PGGT1B: variants seen among roughly 807,000 people sequenced by gnomAD.
The protein encoded by PGGT1B is geranylgeranyl transferase type-1 subunit beta.
Under a neutral mutation model 46.1 loss-of-function variants are expected in PGGT1B, and 30 were observed. That is an observed-to-expected ratio of 0.65 (90% CI 0.49 to 0.88). PGGT1B has a LOEUF of 0.88. Ranked by LOEUF, PGGT1B falls within the 40% of genes least tolerant of loss-of-function variation. PGGT1B has a pLI of 0.00. For missense variants in PGGT1B, 376 were observed against 455.9 expected, an observed-to-expected ratio of 0.82 and a Z score of 1.60; for synonymous variants, 170 against 160.0, an observed-to-expected ratio of 1.06 and a Z score of -0.47.
chr5:115,219,749 G>C (rs1056433125), intron 7 of PGGT1B, among the ~76,000 whole-genome samples: 5 of 151,562 alleles, frequency 3.3e-5, no homozygotes, highest in Non-Finnish European at 7.4e-5. Context: ...TATAACAAAA[G>C]AAACCAGATT....
intron 5 of PGGT1B, 134 bp from the exon 6 acceptor site, chr5:115,231,155 G>A (rs1009281976): frequency 5.9e-6 from 3 of 505,702 alleles, no homozygotes; most frequent in African/African-American, 4.1e-5. Context: ...CAAAATATGC[G>A]TTTTTCCCCA....
intron 5 of PGGT1B, among the ~76,000 whole-genome samples, chr5:115,235,660 T>G (rs1163286121): frequency 6.6e-6 from 1 of 152,118 alleles, no homozygotes; most frequent in East Asian, 1.9e-4. Context: ...CTTTTCCTCT[T>G]AAAACTCCTT....
At chr5:115,227,968 T>TAAAAAC in intron 6 of PGGT1B, among the ~76,000 whole-genome samples, 1 of 152,160 alleles carries the variant, frequency 6.6e-6, no homozygotes, top group East Asian at 1.9e-4. Flanking sequence ...ACTGGCAAAT[T>TAAAAAC]AAAAACAAAA....
intron 5 of PGGT1B, among the ~76,000 whole-genome samples, chr5:115,232,024 T>C (rs1423915040): frequency 6.6e-6 from 1 of 152,098 alleles, no homozygotes; most frequent in Non-Finnish European, 1.5e-5. Context: ...CAGACTGTGG[T>C]TGTGTTCTTT....
chr5:115,258,361 A>G (rs1748412340), intron 1 of PGGT1B, among the ~76,000 whole-genome samples: 1 of 152,222 alleles, frequency 6.6e-6, no homozygotes, highest in Admixed American at 6.5e-5. Flanking sequence ...CTCCTGGACT[A>G]CCACATGAGT....
chr5:115,236,590 G>C, intron 4 of PGGT1B, 68 bp from the exon 5 acceptor site: 2 of 985,522 alleles, frequency 2.0e-6, no homozygotes, highest in Non-Finnish European at 2.9e-6. Context: ...ATGGGGGTTA[G>C]AAACACCTCC....
chr5:115,236,386 T>C lies in PGGT1B; in HGVS notation c.612+4A>G. On this transcript the variant is annotated splice_donor_region_variant and intron_variant, in intron 5 of 8. Transcript: ENST00000419445. ...AAATAGTCAATTTTATCAACAGAAC[T>C]CACCATACTCCTTCTAATATAGGTG... 1 of 1,590,638 alleles carries C rather than the reference T, an allele frequency of 6.3e-7. No homozygotes were observed. Among genetic ancestry groups the C allele is most frequent in the African/African-American group, 1.4e-5 (1 of 73,516 alleles).
chr5:115,253,057 ACTAAGATTT>A, intron 2 of PGGT1B, 71 bp downstream of exon 2: 1 of 1,203,466 alleles, frequency 8.3e-7, no homozygotes, highest in Non-Finnish European at 1.2e-6. Flanking sequence ...GTATACAAGT[ACTAAGATTT>A]TCTAGTCCAA....
rs1182843891 is a variant in PGGT1B at position 115,211,478 on chromosome 5, G to C, written c.*924C>G. On this transcript the variant is annotated 3_prime_UTR_variant, in exon 9 of 9. Coordinates refer to ENST00000419445, the MANE Select transcript of PGGT1B (RefSeq NM_005023.4). ...TTTGAAAAAAATTAGAAAAGTATTAGTTTGAAATTAGAGCAGCTAACACAC... is the reference window on the plus strand; with the variant it reads ...TTTGAAAAAAATTAGAAAAGTATTACTTTGAAATTAGAGCAGCTAACACAC... 3 of 150,604 alleles carry C rather than the reference G, an allele frequency of 2.0e-5. No individual in the cohort carries two copies. Among genetic ancestry groups the C allele is most frequent in the Non-Finnish European group, 4.4e-5 (3 of 67,660 alleles). The allele number at this position is 150,604 out of a possible 1,614,324, so 9.3% of individuals were successfully genotyped here. A position where few individuals can be genotyped will look rare whatever the true frequency, so the allele number is the denominator to read the frequency against.
Position 115,231,038 on chromosome 5 carries a change from T to A in PGGT1B, c.613-17A>T, listed in dbSNP as rs755759530. On this transcript the variant is annotated splice_polypyrimidine_tract_variant and intron_variant, in intron 5 of 8. Coordinates refer to ENST00000419445, the MANE Select transcript of PGGT1B (RefSeq NM_005023.4). ...GTCATAGGACTGAAAAAGAAAAACATTGTTCAGTTTAATAGGGAAATAATA... is the reference window on the plus strand; with the variant it reads ...GTCATAGGACTGAAAAAGAAAAACAATGTTCAGTTTAATAGGGAAATAATA... 2.1e-6 allele frequency: 3 copies of A among 1,456,614 alleles called. No homozygotes were observed. Among genetic ancestry groups the A allele is most frequent in the South Asian group, 2.5e-5 (2 of 79,990 alleles). 90.2% of individuals were successfully genotyped at this position (1,456,614 alleles called of 1,614,324 possible).
At chr5:115,213,549 T>C (rs915533616) in intron 8 of PGGT1B, among the ~76,000 whole-genome samples, 1 of 152,122 alleles carries the variant, frequency 6.6e-6, no homozygotes, top group Admixed American at 6.6e-5. Context: ...GAAGGGCATA[T>C]TCCTTGAGCC....
intron 1 of PGGT1B, among the ~76,000 whole-genome samples, chr5:115,254,677 G>A (rs1239553905): frequency 6.6e-6 from 1 of 151,472 alleles, no homozygotes; most frequent in Non-Finnish European, 1.5e-5. Flanking sequence ...TTAGATAACA[G>A]GAGGAGATAT....
In PGGT1B at chr5:115,236,533, T is replaced by C; in HGVS notation, c.480-11A>G. The C allele has an allele frequency of 1.3e-6, 2 of 1,514,356 alleles. No homozygotes were observed. The highest frequency in any genetic ancestry group is 1.8e-6 in the Non-Finnish European group (2 of 1,137,800). 93.8% of individuals were successfully genotyped at this position (1,514,356 alleles called of 1,614,324 possible). On this transcript the variant is annotated splice_polypyrimidine_tract_variant and intron_variant, in intron 4 of 8. Transcript: ENST00000419445. ...GGTACTGCACAAAAACTGAAAATAATAACAACAATATGATTTTCTATTAAC... is the reference window on the plus strand; with the variant it reads ...GGTACTGCACAAAAACTGAAAATAACAACAACAATATGATTTTCTATTAAC...
intron 1 of PGGT1B, among the ~76,000 whole-genome samples, chr5:115,253,763 A>G (rs776388049): frequency 1.3e-5 from 2 of 152,044 alleles, no homozygotes; most frequent in Middle Eastern, 6.3e-3. Flanking sequence ...GAAATATAAA[A>G]CATTTAAAAA....
chr5:115,230,093 A>T (rs1193961241), intron 6 of PGGT1B, among the ~76,000 whole-genome samples: 1 of 152,076 alleles, frequency 6.6e-6, no homozygotes, highest in Non-Finnish European at 1.5e-5. Context: ...ACTTTCCCCC[A>T]TATCTCTTAT....
In PGGT1B at chr5:115,212,559, A is replaced by G; in HGVS notation, c.977T>C (p.Ile326Thr). ...TTCCTCCATTAGTGACAGGCCACAG[A>G]TCCCAAAGTATGCATGCAAAGCATC... is the stretch of plus-strand genomic sequence containing the variant. ...HPDALHAYFG[I>T]CGLSLMEESG... Residue 326 changes from isoleucine (I) to threonine (T), a missense_variant, in exon 9 of 9, where the codon ATC (isoleucine) becomes ACC (threonine). Transcript: ENST00000419445. 2 of 1,611,496 alleles carry G rather than the reference A, an allele frequency of 1.2e-6. No individual in the cohort carries two copies. Among genetic ancestry groups the G allele is most frequent in the Non-Finnish European group, 1.7e-6 (2 of 1,178,796 alleles).
At chr5:115,260,823 T>C (rs571956345) in intron 1 of PGGT1B, among the ~76,000 whole-genome samples, 54 of 152,180 alleles carry the variant, frequency 3.5e-4, no homozygotes, top group Admixed American at 9.8e-4. Flanking sequence ...GTCAGAAAAT[T>C]TGTGCTGTTT....
intron 2 of PGGT1B, among the ~76,000 whole-genome samples, chr5:115,250,422 G>C (rs1748041513): frequency 6.6e-6 from 1 of 152,214 alleles, no homozygotes; most frequent in Non-Finnish European, 1.5e-5. Flanking sequence ...AATAAGCACT[G>C]AGAGGGAAAA....
chr5:115,207,176 C>CATATATATAT lies in PGGT1B; in HGVS notation c.*5225_*5226insATATATATAT, dbSNP rs1455651127. On this transcript the variant is annotated 3_prime_UTR_variant, in exon 9 of 9. Transcript: ENST00000419445. ...TCTAACTAGTTTAGGTTTGCATATA[C>CATATATATAT]ATACATATATATATATATATATATA... 3 of 30,104 alleles carry CATATATATAT rather than the reference C, an allele frequency of 1.0e-4. No homozygotes were observed. Among genetic ancestry groups the CATATATATAT allele is most frequent in the East Asian group, 7.8e-4 (2 of 2,570 alleles). The allele number at this position is 30,104 out of a possible 1,614,324, so 1.9% of individuals were successfully genotyped here.
Sources: allele counts gnomAD v4.1 joint callset (sites outside exome capture counted in the v4.1 genomes callset), GRCh38; gene constraint gnomAD v4.1.1; transcripts MANE v1.5; gene names NCBI Gene and HGNC (gene_info 2026-07-23, HGNC 2026-07-21).